Variants in SCP2 observed in about 807,000 individuals in gnomAD.
SCP2 encodes the protein SCP-2/3-oxoacyl-CoA thiolase.
A neutral mutation model predicts 71.4 loss-of-function variants in SCP2; 48 were observed. That is an observed-to-expected ratio of 0.67 (90% CI 0.53 to 0.86). SCP2 has a LOEUF of 0.86. Among genes scored for constraint, SCP2 ranks in the 40% least tolerant of loss-of-function variants. SCP2 has a pLI of 0.00. For synonymous variants in SCP2, 220 were observed against 218.1 expected (o/e 1.01, Z -0.08); for missense variants, 560 against 655.6 (o/e 0.85, Z 1.59).
intron 14 of SCP2, among the ~76,000 whole-genome samples, chr1:53,039,961 G>A (rs1275896266): frequency 2.6e-5 from 4 of 152,148 alleles, no homozygotes; most frequent in Non-Finnish European, 5.9e-5. Context: ...TACTCCTCCT[G>A]CTGTTGCAAT....
Position 52,993,118 on chromosome 1 carries a change from C to T in SCP2, c.1081+4982C>T, listed in dbSNP as rs1659644495. On this transcript the variant is annotated intron_variant, in intron 11 of 15. Transcript: ENST00000371514. ...TCATTTGTCTAAGGCTAGAAAGGTA[C>T]CAACAAGATGTAAACTGAGGAGAGG... The T allele has an allele frequency of 8.1e-6, 12 of 1,481,980 alleles. No individual in the cohort carries two copies. The South Asian group carries it at 1.1e-4, about 14-fold the overall frequency. The allele number at this position is 1,481,980 out of a possible 1,614,324, so 91.8% of individuals were successfully genotyped here.
At chr1:52,927,504 G>C (rs762306060) in intron 1 of SCP2, 39 bp downstream of exon 1, 4 of 1,487,312 alleles carry the variant, frequency 2.7e-6, no homozygotes, top group African/African-American at 2.8e-5. Flanking sequence ...TCTGAGGCTC[G>C]GGGGCGGTCG....
At chr1:53,022,449 A>T (rs770251833) in intron 12 of SCP2, among the ~76,000 whole-genome samples, 1 of 152,156 alleles carries the variant, frequency 6.6e-6, no homozygotes, top group Non-Finnish European at 1.5e-5. Flanking sequence ...GCTATTGATG[A>T]TCAGCATCTT....
At chr1:52,937,875 G>A (rs1325891782) in intron 1 of SCP2, among the ~76,000 whole-genome samples, 1 of 152,164 alleles carries the variant, frequency 6.6e-6, no homozygotes, top group Non-Finnish European at 1.5e-5. Context: ...CAGGGCTGTC[G>A]CATAGGCAGA....
At chr1:53,026,415 A>G (rs59604753) in intron 12 of SCP2, among the ~76,000 whole-genome samples, 10,022 of 152,284 alleles carry the variant, frequency 0.066, 438 homozygotes, top group African/African-American at 0.12. Context: ...GGAAGAATAT[A>G]AACTAAGTGA....
chr1:52,950,666 G>A, intron 3 of SCP2, 89 bp from the exon 4 acceptor site: 1 of 1,019,974 alleles, frequency 9.8e-7, no homozygotes, highest in Admixed American at 1.8e-5. Flanking sequence ...CTAGGCAAAG[G>A]TATAATATTG....
intron 14 of SCP2, among the ~76,000 whole-genome samples, chr1:53,045,207 G>GC (rs1163027695): frequency 2.6e-5 from 4 of 152,058 alleles, no homozygotes; most frequent in Non-Finnish European, 5.9e-5. Flanking sequence ...CCTCCCTCCT[G>GC]CCCCCCTGCT....
chr1:52,933,765 G>A (rs932360944), intron 1 of SCP2, among the ~76,000 whole-genome samples: 4 of 152,268 alleles, frequency 2.6e-5, no homozygotes, highest in Admixed American at 2.0e-4. Flanking sequence ...AGTCCTTGGG[G>A]TAGTCTCTGA....
chr1:53,037,926 A>G (rs1344459542), intron 13 of SCP2, among the ~76,000 whole-genome samples: 3 of 129,670 alleles, frequency 2.3e-5, no homozygotes, highest in Non-Finnish European at 5.1e-5. Flanking sequence ...ACACACACAC[A>G]CACAGATCCA....
chr1:52,934,409 C>CA (rs1167180550), intron 1 of SCP2, among the ~76,000 whole-genome samples: 14 of 151,708 alleles, frequency 9.2e-5, no homozygotes, highest in African/African-American at 3.4e-4. Flanking sequence ...CCGTATAACT[C>CA]ATGGAGCCGA....
rs145848981 is a variant in SCP2 at position 53,027,796 on chromosome 1, G to A, written c.1236-173G>A. ...CAGGGACTATAGGCATTGAGCCATC[G>A]CGCCCGGCCAAGCTTAATTATTTTA... On this transcript the variant is annotated intron_variant, in intron 12 of 15. Transcript: ENST00000371514. Among the ~76,000 whole-genome samples, 156 of 152,314 alleles carry A rather than the reference G, an allele frequency of 1.0e-3. 4 individuals are homozygous for A. In the East Asian group the frequency reaches 0.027, roughly 26 times the overall value.
intron 12 of SCP2, among the ~76,000 whole-genome samples, chr1:53,018,578 C>A (rs888731211): frequency 5.9e-5 from 9 of 151,854 alleles, no homozygotes; most frequent in African/African-American, 2.2e-4. Context: ...CCCCTCTCTA[C>A]TAAAAATCAA....
At chr1:52,990,702 C>A (rs1349209858) in intron 11 of SCP2, among the ~76,000 whole-genome samples, 4 of 135,506 alleles carry the variant, frequency 3.0e-5, no homozygotes, top group Non-Finnish European at 4.6e-5. Flanking sequence ...CCACTGCACT[C>A]CAGCCTGGAC....
intron 5 of SCP2, among the ~76,000 whole-genome samples, chr1:52,955,055 A>G (rs1304066858): frequency 6.6e-6 from 1 of 152,252 alleles, no homozygotes; most frequent in Non-Finnish European, 1.5e-5. Flanking sequence ...TAAATGAATT[A>G]CATTCAATAA....
intron 13 of SCP2, among the ~76,000 whole-genome samples, chr1:53,038,324 C>A (rs17107717): frequency 0.098 from 14,859 of 151,894 alleles, 1,440 homozygotes; most frequent in African/African-American, 0.22. Context: ...TCTTTCCCAA[C>A]TTATTGAAAC....
intron 6 of SCP2, among the ~76,000 whole-genome samples, chr1:52,967,289 A>G (rs1378506209): frequency 6.6e-6 from 1 of 151,868 alleles, no homozygotes; most frequent in East Asian, 1.9e-4. Flanking sequence ...CTTGTGAGAT[A>G]ATCTGGGCCT....
In SCP2 at chr1:52,941,948, A is replaced by G. The variant is rs1415527083; in HGVS notation, c.127+95A>G. The G allele has an allele frequency of 1.3e-5, 11 of 865,690 alleles. No individual in the cohort carries two copies. The Admixed American group carries it at 1.9e-4, about 15-fold the overall frequency. The allele number at this position is 865,690 out of a possible 1,614,324, so 53.6% of individuals were successfully genotyped here. A position where few individuals can be genotyped will look rare whatever the true frequency, so the allele number is the denominator to read the frequency against. On this transcript the variant is annotated intron_variant, in intron 2 of 15. Coordinates refer to ENST00000371514, the MANE Select transcript of SCP2 (RefSeq NM_002979.5). Reference sequence around the variant, plus strand: ...GGGCAGCCTTGCAAGCACAAAAGGAAGCCCAGTCAAGGGAGAAGAACCCGT... The same window carrying G: ...GGGCAGCCTTGCAAGCACAAAAGGAGGCCCAGTCAAGGGAGAAGAACCCGT...
At chr1:52,962,063 G>A (rs1002714616) in intron 6 of SCP2, among the ~76,000 whole-genome samples, 1 of 151,984 alleles carries the variant, frequency 6.6e-6, no homozygotes. Flanking sequence ...CACCATGTTC[G>A]GCTAATTTTT....
intron 12 of SCP2, among the ~76,000 whole-genome samples, chr1:53,026,084 C>G (rs1662111029): frequency 6.6e-6 from 1 of 152,044 alleles, no homozygotes; most frequent in South Asian, 2.1e-4. Context: ...GACTGTCCTT[C>G]CTAAAGTAGG....
Sources: gnomAD v4.1 joint callset for allele counts (sites outside exome capture counted in the v4.1 genomes callset) on GRCh38, gnomAD v4.1.1 for gene constraint, MANE v1.5 for transcripts, NCBI Gene and HGNC (gene_info 2026-07-23, HGNC 2026-07-21) for gene names.